Variants in PSD2 observed in about 807,000 individuals in gnomAD.
The protein encoded by PSD2 is pleckstrin and Sec7 domain containing 2, also known as PH and SEC7 domain-containing protein 2.
PSD2 carries 38 observed loss-of-function variants against 69.8 expected under a neutral mutation model. The ratio of observed to expected loss-of-function variants is 0.54; its 90% CI spans 0.42 to 0.71. PSD2 has a LOEUF of 0.71. PSD2 is among the 30% of genes least tolerant of loss of function. The pLI is 0.00. For missense variants in PSD2, 943 were observed against 1,014.5 expected (o/e 0.93, Z 0.96); for synonymous variants, 412 against 423.0 (o/e 0.97, Z 0.32).
upstream of PSD2, among the ~76,000 whole-genome samples, chr5:139,795,234 C>A (rs1220169755): frequency 1.3e-5 from 2 of 152,176 alleles, no homozygotes; most frequent in Non-Finnish European, 2.9e-5. This position sits in a 1 kb window ranked among gnomAD's most constrained non-coding sequence, Gnocchi z 4.5. Context: ...TCCGTCCCGT[C>A]CCGTGTGACT....
the PSD2 span, among the ~76,000 whole-genome samples, chr5:139,755,652 T>TGA: frequency 6.6e-6 from 1 of 151,702 alleles, no homozygotes; most frequent in East Asian, 1.9e-4. Flanking sequence ...TGTGTGTGTG[T>TGA]GTGTGTGTGT....
At chr5:139,789,054 C>T in the PSD2 span, among the ~76,000 whole-genome samples, 4 of 152,238 alleles carry the variant, frequency 2.6e-5, no homozygotes, top group African/African-American at 9.6e-5. Context: ...GGATCTTCCC[C>T]AGGCCTCCGT....
In PSD2 at chr5:139,842,542, C is replaced by A; in HGVS notation, c.*68C>A. 1.4e-6 allele frequency: 2 copies of A among 1,439,232 alleles called. No homozygotes were observed. The highest frequency in any genetic ancestry group is 1.2e-5 in the South Asian group (1 of 84,450). The allele number at this position is 1,439,232 out of a possible 1,614,324, so 89.2% of individuals were successfully genotyped here. ...GTGGGGTCAGTGAGCACAATTCCAG[C>A]CAGGGGCCACTTGGACCAAGCTCCA... is the stretch of plus-strand genomic sequence containing the variant. On this transcript the variant is annotated 3_prime_UTR_variant, in exon 15 of 15. Coordinates refer to ENST00000274710, the MANE Select transcript of PSD2 (RefSeq NM_032289.4).
At chr5:139,801,227 C>T (rs1759667200) in intron 1 of PSD2, among the ~76,000 whole-genome samples, 1 of 151,968 alleles carries the variant, frequency 6.6e-6, no homozygotes, top group African/African-American at 2.4e-5. Context: ...AAAGATCTCT[C>T]CTTCCCTTAG....
intron 5 of PSD2, among the ~76,000 whole-genome samples, chr5:139,821,318 T>G (rs1422197996): frequency 6.6e-6 from 1 of 152,178 alleles, no homozygotes; most frequent in Non-Finnish European, 1.5e-5. Flanking sequence ...GAGGATTGGG[T>G]GCAGGGGTGG....
At chr5:139,821,764 A>C in intron 5 of PSD2, 129 bp from the exon 6 acceptor site, 1 of 547,006 alleles carries the variant, frequency 1.8e-6, no homozygotes, top group South Asian at 2.8e-5. Context: ...TGGAGAGAGC[A>C]TCCAGACCCA....
intron 5 of PSD2, among the ~76,000 whole-genome samples, chr5:139,820,527 C>T (rs1760232851): frequency 6.6e-6 from 1 of 152,100 alleles, no homozygotes; most frequent in Admixed American, 6.6e-5. Flanking sequence ...TCATGGCTTG[C>T]AGGTCCCAGG....
chr5:139,778,945 CAAAAAAAAA>C, the PSD2 span, among the ~76,000 whole-genome samples: 3 of 99,904 alleles, frequency 3.0e-5, no homozygotes, highest in Non-Finnish European at 6.4e-5. Flanking sequence ...AGAAAAAAAA[CAAAAAAAAA>C]AAAAAAAAGA....
intron 5 of PSD2, among the ~76,000 whole-genome samples, chr5:139,821,613 T>A (rs1380102612): frequency 6.6e-6 from 1 of 152,168 alleles, no homozygotes; most frequent in Admixed American, 6.5e-5. Context: ...TGCTCTTCTG[T>A]CTTTGTTCTT....
At chr5:139,810,916 C>T (rs1256396295) in intron 2 of PSD2, among the ~76,000 whole-genome samples, 1 of 152,002 alleles carries the variant, frequency 6.6e-6, no homozygotes, top group Non-Finnish European at 1.5e-5. Context: ...CTTCAAGCTC[C>T]CATCAGGGCC....
chr5:139,815,274 AC>A (rs1760091253), intron 4 of PSD2, among the ~76,000 whole-genome samples: 1 of 150,400 alleles, frequency 6.6e-6, no homozygotes, highest in South Asian at 2.1e-4. Context: ...AGAAATCACA[AC>A]TCGGATGCCC....
chr5:139,796,546 C>T (rs1449943687), intron 1 of PSD2, among the ~76,000 whole-genome samples: 1 of 152,220 alleles, frequency 6.6e-6, no homozygotes, highest in Non-Finnish European at 1.5e-5. Context: ...GGGGGCGTGG[C>T]AGTCAGGGCT....
chr5:139,834,349 A>AAT (rs1760664775), intron 8 of PSD2, among the ~76,000 whole-genome samples: 1 of 152,114 alleles, frequency 6.6e-6, no homozygotes, highest in Non-Finnish European at 1.5e-5. Context: ...GCAGTGATGC[A>AAT]ATCATGGCTC....
At chr5:139,841,793 C>A (rs1760877694) in intron 14 of PSD2, among the ~76,000 whole-genome samples, 1 of 152,160 alleles carries the variant, frequency 6.6e-6, no homozygotes, top group Non-Finnish European at 1.5e-5. Context: ...CGTTTGTATG[C>A]TTTCTTTGGA....
chr5:139,787,825 T>C, the PSD2 span, among the ~76,000 whole-genome samples: 4,093 of 152,196 alleles, frequency 0.027, 82 homozygotes, highest in Middle Eastern at 0.061. Flanking sequence ...CACCATGGGA[T>C]AGTTGGGGAG....
chr5:139,794,622 C>T (rs560231375), upstream of PSD2, among the ~76,000 whole-genome samples: 65 of 152,304 alleles, frequency 4.3e-4, no homozygotes, highest in Admixed American at 3.8e-3. Flanking sequence ...AAGGCCCCAC[C>T]GGGCAGAGTG....
rs556868231 is a variant in PSD2 at position 139,837,477 on chromosome 5, G to A, written c.1666-148G>A. The A allele has an allele frequency of 2.3e-6, 2 of 882,728 alleles. No individual in the cohort carries two copies. Among genetic ancestry groups the A allele is most frequent in the South Asian group, 1.8e-5 (1 of 57,086 alleles). The allele number at this position is 882,728 out of a possible 1,614,324, so 54.7% of individuals were successfully genotyped here. ...CCTCTGGGACAAACTGGGGTAAGGG[G>A]AGGAGTACCTGGATTCTTGTTGGGG... On this transcript the variant is annotated intron_variant, in intron 11 of 14. Transcript: ENST00000274710. The surrounding 1 kb of genome is among the most constrained non-coding windows in gnomAD (Gnocchi z 5.0).
chr5:139,752,139 T>A, the PSD2 span, among the ~76,000 whole-genome samples: 1 of 152,180 alleles, frequency 6.6e-6, no homozygotes, highest in East Asian at 1.9e-4. Context: ...CCTTGGCAGA[T>A]CCTCGACACT....
At chr5:139,766,813 T>C in the PSD2 span, among the ~76,000 whole-genome samples, 1 of 124,590 alleles carries the variant, frequency 8.0e-6, no homozygotes, top group South Asian at 2.9e-4. Context: ...GGTTTGAGTC[T>C]GGGCAAGTCC....
Sources: allele counts gnomAD v4.1 joint callset (sites outside exome capture counted in the v4.1 genomes callset), GRCh38; gene constraint gnomAD v4.1.1; non-coding constraint Gnocchi (gnomAD v3.1); transcripts MANE v1.5; gene names NCBI Gene and HGNC (gene_info 2026-07-23, HGNC 2026-07-21).